The following EPHA5 variants were observed in gnomAD, a reference collection of about 807,000 sequenced individuals.
The protein encoded by EPHA5 is ephrin type-A receptor 5.
EPHA5 carries 60 observed loss-of-function variants against 105.0 expected under a neutral mutation model. The ratio of observed to expected loss-of-function variants is 0.57; its 90% CI spans 0.46 to 0.71. The LOEUF is 0.71. Among genes scored for constraint, EPHA5 ranks in the 30% least tolerant of loss-of-function variants. The pLI is 0.00. For missense variants in EPHA5, 1,218 were observed against 1,274.7 expected (o/e 0.96, Z 0.68); for synonymous variants, 513 against 449.1 (o/e 1.14, Z -1.80).
chr4:65,573,525 G>A, intron 3 of EPHA5: 2 of 1,597,544 alleles, frequency 1.3e-6, no homozygotes, highest in Non-Finnish European at 1.7e-6. Flanking sequence ...GAAGACTGAT[G>A]CTGGTGGCAA....
rs562887766 is a variant in EPHA5 at position 65,406,352 on chromosome 4, T to C, written c.1688-1873A>G. Among the ~76,000 whole-genome samples, 253 of 152,304 alleles carry C rather than the reference T, an allele frequency of 1.7e-3. 2 individuals carry two copies. The highest frequency in any genetic ancestry group is 5.9e-3 in the African/African-American group (245 of 41,586). On this transcript the variant is annotated intron_variant, in intron 7 of 16. Transcript: ENST00000613740. ...CCACATGCAATGAGTGCTTCTCTAT[T>C]TAACTTACCCTCCACCATTGTAAGG...
chr4:65,424,198 C>T (rs1455683563), intron 5 of EPHA5, among the ~76,000 whole-genome samples: 1 of 151,892 alleles, frequency 6.6e-6, no homozygotes, highest in Non-Finnish European at 1.5e-5. Flanking sequence ...GTAGAAACCT[C>T]TAATATCCCA....
At chr4:65,502,348 T>C (rs536693208) in intron 3 of EPHA5, among the ~76,000 whole-genome samples, 1 of 151,190 alleles carries the variant, frequency 6.6e-6, no homozygotes, top group Non-Finnish European at 1.5e-5. Flanking sequence ...TTGCAAACTA[T>C]GCATCTGACA....
At chr4:65,349,840 G>A (rs909040027) in intron 13 of EPHA5, among the ~76,000 whole-genome samples, 6 of 152,012 alleles carry the variant, frequency 3.9e-5, no homozygotes, top group African/African-American at 1.4e-4. Flanking sequence ...ATTCCTTTTA[G>A]AATTGTCATT....
chr4:65,521,812 C>T (rs1008921341), intron 3 of EPHA5, among the ~76,000 whole-genome samples: 1 of 151,954 alleles, frequency 6.6e-6, no homozygotes, highest in South Asian at 2.1e-4. Context: ...ACCATTCCCA[C>T]CCTGACAAAT....
At chr4:65,345,278 A>G (rs1464940585) in intron 14 of EPHA5, among the ~76,000 whole-genome samples, 5 of 152,220 alleles carry the variant, frequency 3.3e-5, no homozygotes, top group Non-Finnish European at 7.3e-5. Flanking sequence ...TAGCAATTTT[A>G]AGTGACTACA....
chr4:65,647,897 T>C (rs893553286), intron 1 of EPHA5, among the ~76,000 whole-genome samples: 2 of 152,094 alleles, frequency 1.3e-5, no homozygotes, highest in East Asian at 1.9e-4. Flanking sequence ...AGTTAACGTA[T>C]AGGGAAAAAT....
At chr4:65,664,593 C>T (rs751083279) in intron 1 of EPHA5, among the ~76,000 whole-genome samples, 30 of 151,780 alleles carry the variant, frequency 2.0e-4, no homozygotes, top group African/African-American at 6.3e-4. Context: ...AAGTATACAA[C>T]GGACTATAAT....
At chr4:65,459,348 C>T (rs570309121) in intron 5 of EPHA5, among the ~76,000 whole-genome samples, 3 of 151,860 alleles carry the variant, frequency 2.0e-5, no homozygotes, top group African/African-American at 7.2e-5. Context: ...GTTAATCCAG[C>T]TTTATGGGAA....
At chr4:65,334,761 G>T (rs1743349301) in intron 15 of EPHA5, among the ~76,000 whole-genome samples, 1 of 151,860 alleles carries the variant, frequency 6.6e-6, no homozygotes, top group Non-Finnish European at 1.5e-5. Flanking sequence ...ATGCTCTCAA[G>T]CTGTAATAAT....
chr4:65,503,248 G>A (rs1732671153), intron 3 of EPHA5, among the ~76,000 whole-genome samples: 1 of 151,756 alleles, frequency 6.6e-6, no homozygotes, highest in Non-Finnish European at 1.5e-5. Flanking sequence ...CAACAAACCT[G>A]TACATGTAAC....
At chr4:65,359,312 G>A (rs922530920) in intron 11 of EPHA5, among the ~76,000 whole-genome samples, 1 of 151,544 alleles carries the variant, frequency 6.6e-6, no homozygotes, top group Non-Finnish European at 1.5e-5. Context: ...GTATATCATT[G>A]TTTATAACTG....
intron 5 of EPHA5, among the ~76,000 whole-genome samples, chr4:65,429,528 C>A (rs980505018): frequency 6.6e-6 from 1 of 151,978 alleles, no homozygotes; most frequent in African/African-American, 2.4e-5. Flanking sequence ...AAAATTTTCA[C>A]AATTTAAACC....
intron 11 of EPHA5, among the ~76,000 whole-genome samples, chr4:65,364,539 T>G (rs1717666691): frequency 6.6e-6 from 1 of 151,444 alleles, no homozygotes; most frequent in African/African-American, 2.4e-5. Flanking sequence ...CTGTCTTCTG[T>G]GATTGTTGCT....
intron 3 of EPHA5, among the ~76,000 whole-genome samples, chr4:65,522,692 G>A (rs1450624765): frequency 1.3e-5 from 2 of 151,970 alleles, no homozygotes; most frequent in Non-Finnish European, 2.9e-5. Flanking sequence ...CAGAGGAGCT[G>A]TTTAGTTCAT....
intron 14 of EPHA5, among the ~76,000 whole-genome samples, chr4:65,337,079 T>C (rs1166299334): frequency 6.6e-6 from 1 of 152,124 alleles, no homozygotes. Context: ...TTTTAATTTT[T>C]TTTTCTTTTT....
At chr4:65,500,741 T>C (rs1406099453) in intron 3 of EPHA5, among the ~76,000 whole-genome samples, 1 of 150,460 alleles carries the variant, frequency 6.6e-6, no homozygotes, top group Non-Finnish European at 1.5e-5. Flanking sequence ...AATATTAATA[T>C]ATATAATAAT....
chr4:65,550,453 T>C (rs1001528192), intron 3 of EPHA5, among the ~76,000 whole-genome samples: 7 of 152,186 alleles, frequency 4.6e-5, no homozygotes, highest in African/African-American at 7.2e-5. Context: ...TAAACCATAA[T>C]GATCAAAATA....
chr4:65,586,916 A>G (rs1742179117), intron 3 of EPHA5, among the ~76,000 whole-genome samples: 1 of 152,162 alleles, frequency 6.6e-6, no homozygotes, highest in Non-Finnish European at 1.5e-5. Flanking sequence ...ATTAGAACAT[A>G]AGGACATTTG....
Sources: allele counts gnomAD v4.1 joint callset (sites outside exome capture counted in the v4.1 genomes callset), GRCh38; gene constraint gnomAD v4.1.1; transcripts MANE v1.5; gene names NCBI Gene and HGNC (gene_info 2026-07-23, HGNC 2026-07-21).